Variants in TCEA1 observed in about 807,000 individuals in gnomAD.
TCEA1 encodes the protein transcription elongation factor A1, also known as transcription elongation factor A protein 1.
TCEA1 carries 21 observed loss-of-function variants against 43.8 expected under a neutral mutation model. The ratio of observed to expected loss-of-function variants is 0.48; its 90% CI spans 0.34 to 0.69. TCEA1 has a LOEUF of 0.69. TCEA1 is among the 30% of genes least tolerant of loss of function. TCEA1 has a pLI of 0.01. For synonymous variants in TCEA1, 104 were observed against 117.5 expected (o/e 0.88, Z 0.75); for missense variants, 250 against 365.1 (o/e 0.68, Z 2.57).
chr8:53,977,277 G>A (rs570109342), intron 8 of TCEA1, among the ~76,000 whole-genome samples: 2 of 152,302 alleles, frequency 1.3e-5, no homozygotes, highest in East Asian at 1.9e-4. Context: ...CTGAGATGGC[G>A]CCACTGCACT....
At chr8:54,011,477 T>C (rs1804650382) in intron 1 of TCEA1, among the ~76,000 whole-genome samples, 1 of 152,246 alleles carries the variant, frequency 6.6e-6, no homozygotes, top group African/African-American at 2.4e-5. Flanking sequence ...TCCAAGCCAA[T>C]GACACTCATT....
intron 4 of TCEA1, among the ~76,000 whole-genome samples, chr8:53,989,758 T>G (rs1803813396): frequency 6.6e-6 from 1 of 152,196 alleles, no homozygotes; most frequent in African/African-American, 2.4e-5. Context: ...ATTATTTTTT[T>G]TTTTAAGACT....
chr8:54,002,384 G>T (rs1804296750), intron 2 of TCEA1, among the ~76,000 whole-genome samples: 1 of 151,556 alleles, frequency 6.6e-6, no homozygotes, highest in Non-Finnish European at 1.5e-5. Flanking sequence ...CAGGAGAATT[G>T]CTTGAACCCG....
At chr8:54,003,081 T>A (rs1160996190) in intron 2 of TCEA1, 1 of 456,266 alleles carries the variant, frequency 2.2e-6, no homozygotes, top group East Asian at 6.9e-5. Flanking sequence ...GATCTCAAGG[T>A]AGCCACTAAA....
intron 2 of TCEA1, among the ~76,000 whole-genome samples, chr8:54,001,304 T>TTACG (rs1211999265): frequency 2.0e-5 from 3 of 152,206 alleles, no homozygotes; most frequent in Non-Finnish European, 4.4e-5. Context: ...GACACCCTAT[T>TTACG]GTAAGCTTTA....
chr8:53,996,140 C>G (rs1050574696), intron 3 of TCEA1, among the ~76,000 whole-genome samples: 1 of 152,226 alleles, frequency 6.6e-6, no homozygotes, highest in Non-Finnish European at 1.5e-5. Flanking sequence ...AAAGGGACAG[C>G]AGAACTATCT....
At chr8:53,979,776 A>C (rs1803448637) in intron 7 of TCEA1, among the ~76,000 whole-genome samples, 1 of 152,192 alleles carries the variant, frequency 6.6e-6, no homozygotes. Flanking sequence ...CCTATAGGTA[A>C]CATTATTATT....
At chr8:53,982,613 CAAAAAAAAA>C (rs558788906) in intron 7 of TCEA1, among the ~76,000 whole-genome samples, 22 of 57,806 alleles carry the variant, frequency 3.8e-4, no homozygotes, top group Non-Finnish European at 6.2e-4. Flanking sequence ...CATTCCCCAC[CAAAAAAAAA>C]AAAAAAAAAA....
At chr8:54,003,938 TA>T (rs879533018) in intron 2 of TCEA1, among the ~76,000 whole-genome samples, 1,667 of 143,698 alleles carry the variant, frequency 0.012, 32 homozygotes, top group African/African-American at 0.038. Flanking sequence ...ACAACTCGAT[TA>T]AAAAAAAAAA....
chr8:54,007,746 GAATT>G (rs1180281729), intron 2 of TCEA1, among the ~76,000 whole-genome samples: 9 of 151,874 alleles, frequency 5.9e-5, no homozygotes, highest in Non-Finnish European at 1.0e-4. Flanking sequence ...CCTAAATTCT[GAATT>G]AATATAATAG....
At chr8:54,019,900 T>C (rs757116455) in intron 1 of TCEA1, among the ~76,000 whole-genome samples, 1 of 152,194 alleles carries the variant, frequency 6.6e-6, no homozygotes, top group Non-Finnish European at 1.5e-5. Context: ...CAAGTTTTCA[T>C]ACTGGAAAAG....
chr8:54,016,544 A>C (rs1250570559), intron 1 of TCEA1, among the ~76,000 whole-genome samples: 5 of 152,148 alleles, frequency 3.3e-5, no homozygotes, highest in Non-Finnish European at 7.4e-5. Flanking sequence ...TGATGAATGA[A>C]TAAGCAAATC....
At chr8:53,984,052 A>T (rs535947470) in intron 7 of TCEA1, among the ~76,000 whole-genome samples, 97 of 152,338 alleles carry the variant, frequency 6.4e-4, no homozygotes, top group African/African-American at 2.3e-3. Context: ...GTGGGCCAAG[A>T]TCGTGCCATT....
intron 1 of TCEA1, among the ~76,000 whole-genome samples, chr8:54,016,978 CAAAAAA>C (rs1159105172): frequency 4.4e-5 from 3 of 67,422 alleles, no homozygotes; most frequent in Admixed American, 1.6e-4. Flanking sequence ...GACTCCGTCT[CAAAAAA>C]AAAAAAAAAA....
intron 6 of TCEA1, among the ~76,000 whole-genome samples, chr8:53,986,620 T>C (rs141967791): frequency 2.0e-5 from 3 of 152,368 alleles, no homozygotes; most frequent in African/African-American, 7.2e-5. Flanking sequence ...GAAGCAATTT[T>C]ACTAGGGATT....
intron 7 of TCEA1, among the ~76,000 whole-genome samples, chr8:53,981,531 T>C (rs1367483794): frequency 6.6e-6 from 1 of 152,218 alleles, no homozygotes; most frequent in Non-Finnish European, 1.5e-5. Flanking sequence ...GCACATCTAT[T>C]TACAGCATGA....
At position 53,995,192 on chromosome 8, in the gene TCEA1, C is replaced by G. The variant is rs531491784; in HGVS notation, c.233-1437G>C. Among the ~76,000 whole-genome samples, 4 of 150,188 alleles carry G rather than the reference C, an allele frequency of 2.7e-5. No homozygotes were observed. The East Asian group carries it at 8.0e-4, about 30-fold the overall frequency. On this transcript the variant is annotated intron_variant, in intron 3 of 9. Coordinates refer to ENST00000521604, the MANE Select transcript of TCEA1 (RefSeq NM_006756.4). ...GGTGCACACCTGCAATCCCAGCTAA[C>G]GCTGAGGCAGGAGAATCATTTGAAC...
At chr8:53,973,613 C>T in intron 8 of TCEA1, 1 of 567,730 alleles carries the variant, frequency 1.8e-6, no homozygotes, top group African/African-American at 1.9e-5. Context: ...GTAAGAAACA[C>T]TTCAATTACA....
At chr8:53,989,956 C>T (rs962545133) in intron 4 of TCEA1, among the ~76,000 whole-genome samples, 1 of 151,986 alleles carries the variant, frequency 6.6e-6, no homozygotes, top group Non-Finnish European at 1.5e-5. Flanking sequence ...TATTTTTTGG[C>T]CGGGCAAGCT....
Sources: gnomAD v4.1 joint callset for allele counts (sites outside exome capture counted in the v4.1 genomes callset) on GRCh38, gnomAD v4.1.1 for gene constraint, MANE v1.5 for transcripts, NCBI Gene and HGNC (gene_info 2026-07-23, HGNC 2026-07-21) for gene names.